CCDC88A: variants seen among roughly 807,000 people sequenced by gnomAD.
The protein encoded by CCDC88A is girdin.
Under a neutral mutation model 234.3 loss-of-function variants are expected in CCDC88A, and 54 were observed. The observed-to-expected ratio is 0.23, with a 90% CI of 0.19 to 0.29. The LOEUF (loss-of-function observed/expected upper bound fraction) is 0.29, where lower values mean the gene tolerates loss of function less well. Among genes scored for constraint, CCDC88A ranks in the 10% least tolerant of loss-of-function variants. The pLI is 1.00. For synonymous variants in CCDC88A, 753 were observed against 737.8 expected (o/e 1.02, Z -0.33); for missense variants, 1,832 against 2,123.4 (o/e 0.86, Z 2.70).
At chr2:55,360,541 G>A (rs1294730601) in intron 7 of CCDC88A, among the ~76,000 whole-genome samples, 1 of 152,164 alleles carries the variant, frequency 6.6e-6, no homozygotes, top group East Asian at 1.9e-4. Flanking sequence ...AGAAGAGTAT[G>A]ACCACTTTTT....
intron 2 of CCDC88A, among the ~76,000 whole-genome samples, chr2:55,416,068 C>T (rs1181534625): frequency 1.3e-5 from 2 of 151,072 alleles, no homozygotes; most frequent in Non-Finnish European, 2.9e-5. Context: ...CCGAAACCAA[C>T]CCCAAAATGA....
intron 5 of CCDC88A, among the ~76,000 whole-genome samples, chr2:55,367,716 A>G (rs1426110366): frequency 6.6e-6 from 1 of 151,896 alleles, no homozygotes; most frequent in African/African-American, 2.4e-5. Flanking sequence ...TTAACCTTTA[A>G]GATGCTTTAC....
intron 2 of CCDC88A, among the ~76,000 whole-genome samples, chr2:55,391,070 T>C: frequency 6.6e-6 from 1 of 152,238 alleles, no homozygotes; most frequent in South Asian, 2.1e-4. Context: ...AAAGATCAAA[T>C]ACAAGAAAGC....
At chr2:55,390,073 C>CAAAAAAAAAAAAAAAAA (rs1284801045) in intron 2 of CCDC88A, among the ~76,000 whole-genome samples, 1 of 104,662 alleles carries the variant, frequency 9.6e-6, no homozygotes, top group Non-Finnish European at 2.1e-5. Flanking sequence ...TAGAACATTT[C>CAAAAAAAAAAAAAAAAA]AAAGTTATTT....
At position 55,335,158 on chromosome 2, in the gene CCDC88A, T is replaced by C. The variant is rs1685325340; in HGVS notation, c.1663A>G (p.Ile555Val). The C allele has an allele frequency of 6.8e-7, 1 of 1,476,238 alleles. No homozygotes were observed. Among genetic ancestry groups the C allele is most frequent in the African/African-American group, 1.4e-5 (1 of 69,918 alleles). The allele number at this position is 1,476,238 out of a possible 1,614,324, so 91.4% of individuals were successfully genotyped here. A position where few individuals can be genotyped will look rare whatever the true frequency, so the allele number is the denominator to read the frequency against. The change falls in exon 15 of 33, where the codon ATA (isoleucine) becomes GTA (valine). Residue 555 changes from isoleucine (I) to valine (V), a missense_variant. Physicochemically the swap from Ile to Val is conservative, Grantham distance 29 (BLOSUM62 3). Coordinates refer to ENST00000436346, the MANE Select transcript of CCDC88A (RefSeq NM_001365480.1). The surrounding 1 kb of genome is among the most constrained non-coding windows in gnomAD (Gnocchi z 4.5). ...AGATGTTCATTTTCCTGTTCCAGTA[T>C]CTTAATCTAATTTGAAAAGAAAATA... The part of the protein sequence containing the change: ...LRENSERQIK[I>V]LEQENEHLNQ...
intron 2 of CCDC88A, chr2:55,406,305 C>T (rs552719834): frequency 1.8e-4 from 27 of 152,274 alleles, no homozygotes; most frequent in African/African-American, 6.5e-4. Flanking sequence ...AGAAAACTCA[C>T]CCCATTTTCC....
At chr2:55,393,644 A>G (rs945622381) in intron 2 of CCDC88A, among the ~76,000 whole-genome samples, 3 of 151,916 alleles carry the variant, frequency 2.0e-5, no homozygotes, top group Admixed American at 1.3e-4. Context: ...ACCTTTCAAA[A>G]CTTAGTTTAC....
At chr2:55,396,934 T>A (rs1056079576) in intron 2 of CCDC88A, among the ~76,000 whole-genome samples, 5 of 148,664 alleles carry the variant, frequency 3.4e-5, no homozygotes, top group Non-Finnish European at 7.4e-5. Context: ...GTGTACATCA[T>A]ATATCACTGT....
chr2:55,334,216 G>A lies in CCDC88A; in HGVS notation c.2605C>T (p.Leu869=). 1.4e-6 allele frequency: 2 copies of A among 1,447,690 alleles called. No homozygotes were observed. 89.7% of individuals were successfully genotyped at this position (1,447,690 alleles called of 1,614,324 possible). The change falls in exon 15 of 33, where the codon CTA becomes TTA. Residue 869 remains leucine, a synonymous_variant. Transcript: ENST00000436346. This position sits in a 1 kb window ranked among gnomAD's most constrained non-coding sequence, Gnocchi z 6.1. ...IGNLEKENKT[L]SKEIGIYKES... is the part of the protein sequence containing the mutation. Reference sequence around the variant, plus strand: ...TTATATATACCAATTTCTTTGGATAGGGTTTTGTTTTCTTTTTCCAAATTT... The same window carrying A: ...TTATATATACCAATTTCTTTGGATAAGGTTTTGTTTTCTTTTTCCAAATTT...
At chr2:55,401,410 G>T (rs1678598343) in intron 2 of CCDC88A, among the ~76,000 whole-genome samples, 1 of 131,296 alleles carries the variant, frequency 7.6e-6, no homozygotes, top group Non-Finnish European at 1.6e-5. Context: ...TTCCAGCCTG[G>T]ATGACAGAGA....
chr2:55,373,928 G>A (rs1303993472), intron 4 of CCDC88A, among the ~76,000 whole-genome samples: 1 of 152,136 alleles, frequency 6.6e-6, no homozygotes, highest in East Asian at 1.9e-4. Context: ...AAACTGTTAG[G>A]TAGCTGCTAA....
chr2:55,411,610 C>T (rs1434767261), intron 2 of CCDC88A, among the ~76,000 whole-genome samples: 1 of 151,460 alleles, frequency 6.6e-6, no homozygotes, highest in Non-Finnish European at 1.5e-5. Context: ...GAAATCCCGT[C>T]TCTACTAAAA....
chr2:55,380,744 T>C (rs776950756), intron 3 of CCDC88A, among the ~76,000 whole-genome samples: 1 of 152,278 alleles, frequency 6.6e-6, no homozygotes, highest in Non-Finnish European at 1.5e-5. Flanking sequence ...CCCTCCCAAG[T>C]AGCTGAAACT....
intron 3 of CCDC88A, among the ~76,000 whole-genome samples, chr2:55,375,209 C>T (rs1165599651): frequency 1.3e-5 from 2 of 151,934 alleles, no homozygotes; most frequent in African/African-American, 2.4e-5. Flanking sequence ...CATCTCTACA[C>T]ACAAACAAAT....
chr2:55,370,377 C>T (rs1400875487), intron 5 of CCDC88A, among the ~76,000 whole-genome samples: 1 of 152,112 alleles, frequency 6.6e-6, no homozygotes, highest in Non-Finnish European at 1.5e-5. Context: ...CATGATGACT[C>T]AAGCCTGTAA....
chr2:55,419,006 AC>A lies in CCDC88A; in HGVS notation c.63+10del, dbSNP rs1480452818. 1.9e-6 allele frequency: 3 copies of A among 1,609,366 alleles called. No individual in the cohort carries two copies. The highest frequency in any genetic ancestry group is 1.3e-5 in the African/African-American group (1 of 74,682). On this transcript the variant is annotated intron_variant, in intron 1 of 32. Coordinates refer to ENST00000436346, the MANE Select transcript of CCDC88A (RefSeq NM_001365480.1). Reference sequence around the variant, plus strand: ...CTCAGCAAAATATACAATAAAGGACACCCCACTTACCCAAGTGACCAAAGGG... The same window carrying A: ...CTCAGCAAAATATACAATAAAGGACACCCACTTACCCAAGTGACCAAAGGG...
intron 19 of CCDC88A, 135 bp downstream of exon 19, chr2:55,318,708 G>A (rs1304875605): frequency 3.4e-6 from 2 of 589,634 alleles, no homozygotes; most frequent in African/African-American, 3.7e-5. Flanking sequence ...AATTTGGCAT[G>A]GCACTAAATA....
chr2:55,338,957 C>CT (rs1194431380), intron 13 of CCDC88A: 13,109 of 141,982 alleles, frequency 0.092, 1,250 homozygotes, highest in African/African-American at 0.24. Context: ...CCTGCTTATT[C>CT]TTTTTTTTTT....
chr2:55,370,522 T>C (rs1221890202), intron 5 of CCDC88A, among the ~76,000 whole-genome samples: 1 of 150,844 alleles, frequency 6.6e-6, no homozygotes. Flanking sequence ...ACATCTATCA[T>C]CCCAGCTACT....
Sources: allele counts gnomAD v4.1 joint callset (sites outside exome capture counted in the v4.1 genomes callset), GRCh38; gene constraint gnomAD v4.1.1; non-coding constraint Gnocchi (gnomAD v3.1); transcripts MANE v1.5; gene names NCBI Gene and HGNC (gene_info 2026-07-23, HGNC 2026-07-21).